The following UBE2V2 variants were observed in gnomAD, a reference collection of about 807,000 sequenced individuals.
UBE2V2 encodes the protein ubiquitin-conjugating enzyme E2 variant 2.
UBE2V2 carries 9 observed loss-of-function variants against 17.2 expected under a neutral mutation model. That is an observed-to-expected ratio of 0.52 (90% CI 0.32 to 0.91). The LOEUF (loss-of-function observed/expected upper bound fraction) is 0.91. Ranked by LOEUF, UBE2V2 falls within the 40% of genes least tolerant of loss-of-function variation. The pLI is 0.04. For synonymous variants in UBE2V2, 61 were observed against 57.5 expected (o/e 1.06, Z -0.28); for missense variants, 133 against 182.6 (o/e 0.73, Z 1.56).
intron 1 of UBE2V2, among the ~76,000 whole-genome samples, chr8:48,024,555 A>G (rs1225049314): frequency 6.6e-6 from 1 of 151,850 alleles, no homozygotes; most frequent in Non-Finnish European, 1.5e-5. Flanking sequence ...AGATCGCGCC[A>G]TTGCACACCA....
At chr8:48,005,221 A>C (rs1460648234), upstream of UBE2V2, among the ~76,000 whole-genome samples, 14 of 150,698 alleles carry the variant, frequency 9.3e-5, no homozygotes, top group Admixed American at 9.3e-4. Context: ...CCCTGTGTCC[A>C]TGTGTTCTCA....
At chr8:48,059,934 C>T (rs758997619) in intron 3 of UBE2V2, among the ~76,000 whole-genome samples, 3 of 151,510 alleles carry the variant, frequency 2.0e-5, no homozygotes, top group African/African-American at 4.9e-5. Context: ...GGTCGGGTGC[C>T]GTGGTTCATG....
At position 48,054,056 on chromosome 8, in the gene UBE2V2, C is replaced by T. The variant is rs186127615; in HGVS notation, c.291+4078C>T. Among the ~76,000 whole-genome samples, 329 of 152,210 alleles carry T rather than the reference C, an allele frequency of 2.2e-3. 1 individual carries two copies. The highest frequency in any genetic ancestry group is 7.4e-3 in the African/African-American group (307 of 41,540). On this transcript the variant is annotated intron_variant, in intron 3 of 3. Transcript: ENST00000523111. ...CTGACCTCAGGTGATCTGCCTGCCT[C>T]GGCCTCCCAGAGTGCTGGGTGGGAT...
At chr8:48,020,135 A>G (rs2091295070) in intron 1 of UBE2V2, among the ~76,000 whole-genome samples, 1 of 150,614 alleles carries the variant, frequency 6.6e-6, no homozygotes, top group South Asian at 2.1e-4. Flanking sequence ...AACTATTGAG[A>G]TCAGTGATTT....
chr8:48,052,219 T>A (rs2091543328), intron 3 of UBE2V2, among the ~76,000 whole-genome samples: 1 of 152,180 alleles, frequency 6.6e-6, no homozygotes, highest in African/African-American at 2.4e-5. Flanking sequence ...AGAAAAGATA[T>A]TATTTAGGGA....
intron 1 of UBE2V2, among the ~76,000 whole-genome samples, chr8:48,039,265 T>G (rs990333381): frequency 1.6e-4 from 24 of 152,206 alleles, no homozygotes; most frequent in African/African-American, 5.5e-4. Flanking sequence ...TATGTATATA[T>G]GTATAAAAAC....
chr8:48,038,121 A>C (rs923251139), intron 1 of UBE2V2, among the ~76,000 whole-genome samples: 3 of 152,144 alleles, frequency 2.0e-5, no homozygotes, highest in Non-Finnish European at 4.4e-5. Context: ...TTTTAAATAA[A>C]ATATTTCAAA....
chr8:48,023,404 C>T (rs925789804), intron 1 of UBE2V2, among the ~76,000 whole-genome samples: 14 of 151,548 alleles, frequency 9.2e-5, no homozygotes, highest in South Asian at 4.2e-4. Context: ...TTAGTAGAGA[C>T]GGGGTTTCAC....
At chr8:48,047,648 C>A (rs1440729696) in intron 2 of UBE2V2, among the ~76,000 whole-genome samples, 1 of 151,956 alleles carries the variant, frequency 6.6e-6, no homozygotes, top group African/African-American at 2.4e-5. Flanking sequence ...GTTGCCACCT[C>A]CCGAGTTCAG....
At chr8:48,008,978 C>T (rs1460328556) in intron 1 of UBE2V2, among the ~76,000 whole-genome samples, 1 of 152,154 alleles carries the variant, frequency 6.6e-6, no homozygotes, top group African/African-American at 2.4e-5. Flanking sequence ...GAGGATCTTT[C>T]TTACCTGACT....
At chr8:48,050,038 C>T (rs541248609) in intron 3 of UBE2V2, 60 bp downstream of exon 3, 75 of 1,132,556 alleles carry the variant, frequency 6.6e-5, no homozygotes, top group Non-Finnish European at 8.3e-5. Flanking sequence ...ATATATTATA[C>T]GTACACACAC....
chr8:48,006,588 C>T (rs181670610), upstream of UBE2V2, among the ~76,000 whole-genome samples: 1 of 152,202 alleles, frequency 6.6e-6, no homozygotes, highest in East Asian at 1.9e-4. Flanking sequence ...AAAGCTTATC[C>T]ACCAAGATCA....
At chr8:48,010,408 T>G (rs1197106078) in intron 1 of UBE2V2, among the ~76,000 whole-genome samples, 2 of 150,060 alleles carry the variant, frequency 1.3e-5, no homozygotes, top group Non-Finnish European at 1.5e-5. Flanking sequence ...AGTTTTTTTT[T>G]TTTTTTTTTT....
At chr8:48,008,730 C>G (rs551962403) in intron 1 of UBE2V2, among the ~76,000 whole-genome samples, 1 of 150,928 alleles carries the variant, frequency 6.6e-6, no homozygotes, top group South Asian at 2.1e-4. Context: ...CGGGCGCCCC[C>G]GTAGGTTCCG....
intron 1 of UBE2V2, among the ~76,000 whole-genome samples, chr8:48,036,192 C>T (rs1016492646): frequency 6.6e-6 from 1 of 150,930 alleles, no homozygotes; most frequent in African/African-American, 2.4e-5. Context: ...TGGGCTCAAG[C>T]GATCCTCCCA....
intron 2 of UBE2V2, among the ~76,000 whole-genome samples, chr8:48,046,483 C>T (rs998655930): frequency 6.6e-6 from 1 of 152,124 alleles, no homozygotes; most frequent in African/African-American, 2.4e-5. Flanking sequence ...AGACTCCCGA[C>T]CTCAGATGAT....
At chr8:48,009,844 G>C (rs754338424) in intron 1 of UBE2V2, among the ~76,000 whole-genome samples, 3 of 152,062 alleles carry the variant, frequency 2.0e-5, no homozygotes, top group Non-Finnish European at 4.4e-5. Flanking sequence ...TACATACTTG[G>C]GTCAGCTAGC....
chr8:48,030,230 C>T (rs755341716), intron 1 of UBE2V2, among the ~76,000 whole-genome samples: 1 of 152,064 alleles, frequency 6.6e-6, no homozygotes, highest in East Asian at 1.9e-4. Context: ...TAGTAATGTC[C>T]TGGGGAAAGG....
At chr8:48,007,737 CTTTCT>C (rs906423163), upstream of UBE2V2, among the ~76,000 whole-genome samples, 20 of 41,698 alleles carry the variant, frequency 4.8e-4, no homozygotes, top group African/African-American at 1.1e-3. Flanking sequence ...CTTTTTCTTT[CTTTCT>C]TTTTTTTTTT....
Sources: gnomAD v4.1 joint callset for allele counts (sites outside exome capture counted in the v4.1 genomes callset) on GRCh38, gnomAD v4.1.1 for gene constraint, MANE v1.5 for transcripts, NCBI Gene and HGNC (gene_info 2026-07-23, HGNC 2026-07-21) for gene names.